The following PRRC1 variants were observed in gnomAD, a reference collection of about 807,000 sequenced individuals.
PRRC1 encodes proline rich coiled-coil 1, also known as protein PRRC1.
A neutral mutation model predicts 40.7 loss-of-function variants in PRRC1; 39 were observed. That is an observed-to-expected ratio of 0.96 (90% confidence interval 0.74 to 1.25). The LOEUF is 1.25. PRRC1 is among the 50% of genes most tolerant of loss of function. PRRC1 has a pLI of 0.00. For synonymous variants in PRRC1, 175 were observed against 193.3 expected (o/e 0.91, Z 0.79); for missense variants, 573 against 548.3 (o/e 1.05, Z -0.45).
In PRRC1 at chr5:127,554,677, TCTTTC is replaced by T. The variant is rs912396759; in HGVS notation, c.*2762_*2766del. 7 of 152,590 alleles carry T rather than the reference TCTTTC, an allele frequency of 4.6e-5. No individual in the cohort carries two copies. Among genetic ancestry groups the T allele is most frequent in the Non-Finnish European group, 2.9e-5 (2 of 68,038 alleles). The allele number at this position is 152,590 out of a possible 1,614,324, so 9.5% of individuals were successfully genotyped here. Reference sequence around the variant, plus strand: ...TTATTACTTTCCTATTCTTTATTCCTCTTTCTTCTGAAGATTAATGAAGTTGAAAA... The same window carrying T: ...TTATTACTTTCCTATTCTTTATTCCTTTCTGAAGATTAATGAAGTTGAAAA... On this transcript the variant is annotated 3_prime_UTR_variant, in exon 9 of 9. Transcript: ENST00000296666.
At chr5:127,524,952 C>T in intron 3 of PRRC1, 32 bp downstream of exon 3, 2 of 1,520,906 alleles carry the variant, frequency 1.3e-6, no homozygotes, top group Middle Eastern at 1.8e-4. Context: ...AAATACATGG[C>T]TATTAATTAA....
chr5:127,552,732 A>G lies in PRRC1; in HGVS notation c.*816A>G, dbSNP rs1768425889. ...CCAAGAATAAGCTCTGACAACAGCC[A>G]TTGTTTCTGCTTCCACTCATATTCT... On this transcript the variant is annotated 3_prime_UTR_variant, in exon 9 of 9. Transcript: ENST00000296666. 2.0e-6 allele frequency: 2 copies of G among 983,898 alleles called. No individual in the cohort carries two copies. Among genetic ancestry groups the G allele is most frequent in the African/African-American group, 1.7e-5 (1 of 57,182 alleles). 60.9% of individuals were successfully genotyped at this position (983,898 alleles called of 1,614,324 possible).
intron 6 of PRRC1, among the ~76,000 whole-genome samples, chr5:127,537,775 A>G (rs979216249): frequency 6.6e-6 from 1 of 151,664 alleles, no homozygotes; most frequent in Non-Finnish European, 1.5e-5. Context: ...TTAAAAATCA[A>G]ACTTTAGCCA....
chr5:127,541,415 T>C (rs906340189), intron 7 of PRRC1, among the ~76,000 whole-genome samples: 2 of 152,120 alleles, frequency 1.3e-5, no homozygotes, highest in African/African-American at 4.8e-5. Context: ...GATTCCCTCT[T>C]TTTCTATTGA....
At chr5:127,536,788 C>T (rs1414556413) in intron 6 of PRRC1, among the ~76,000 whole-genome samples, 1 of 151,944 alleles carries the variant, frequency 6.6e-6, no homozygotes, top group African/African-American at 2.4e-5. Flanking sequence ...TCATTTTCCA[C>T]AATTTTCAGT....
chr5:127,530,234 T>C (rs1259895793), intron 4 of PRRC1, 60 bp from the exon 5 acceptor site: 2 of 1,460,318 alleles, frequency 1.4e-6, no homozygotes, highest in African/African-American at 1.4e-5. Context: ...TTCACAATCA[T>C]GAAGATCATG....
intron 8 of PRRC1, 67 bp from the exon 9 acceptor site, chr5:127,551,640 A>T: frequency 6.8e-7 from 1 of 1,467,988 alleles, no homozygotes; most frequent in Middle Eastern, 1.8e-4. Context: ...TTGAAATGTC[A>T]CTTATAGCTA....
intron 2 of PRRC1, 65 bp from the exon 3 acceptor site, chr5:127,524,466 C>T (rs995314673): frequency 6.7e-7 from 1 of 1,484,670 alleles, no homozygotes; most frequent in Admixed American, 2.2e-5. Context: ...AGTAATTAGA[C>T]AGTTTGAAAA....
chr5:127,539,027 C>G lies in PRRC1; in HGVS notation c.922-13C>G. The stretch of plus-strand genomic sequence containing the variant: ...ATTTGAAATGGTCTCTAACCTCTGC[C>G]ATTGTTGTTTAGGGTGCTCAGGAAC... On this transcript the variant is annotated splice_polypyrimidine_tract_variant and intron_variant, in intron 6 of 8. Coordinates refer to ENST00000296666, the MANE Select transcript of PRRC1 (RefSeq NM_130809.5). The G allele has an allele frequency of 6.2e-7, 1 of 1,601,794 alleles. No individual in the cohort carries two copies. Among genetic ancestry groups the G allele is most frequent in the East Asian group, 2.2e-5 (1 of 44,782 alleles).
chr5:127,532,833 T>TA (rs1767809285), intron 5 of PRRC1, among the ~76,000 whole-genome samples: 1 of 152,210 alleles, frequency 6.6e-6, no homozygotes, highest in South Asian at 2.1e-4. Context: ...AAAATCTCTT[T>TA]TGCCGGTGAT....
intron 8 of PRRC1, 153 bp downstream of exon 8, chr5:127,548,074 C>G (rs1768274768): frequency 2.9e-6 from 2 of 697,134 alleles, no homozygotes; most frequent in South Asian, 1.6e-5. Context: ...TTTTTAATTT[C>G]CTGATCCTTC....
chr5:127,524,268 T>C (rs373595969), intron 2 of PRRC1, among the ~76,000 whole-genome samples: 1 of 152,224 alleles, frequency 6.6e-6, no homozygotes, highest in South Asian at 2.1e-4. Flanking sequence ...CTTTATTTTA[T>C]TAAAAATACA....
intron 3 of PRRC1, 33 bp from the exon 4 acceptor site, chr5:127,526,585 A>G: frequency 1.3e-6 from 2 of 1,566,772 alleles, no homozygotes; most frequent in Non-Finnish European, 1.7e-6. Flanking sequence ...TATGGAATAA[A>G]TTATACATAT....
chr5:127,550,587 A>G (rs2127120069), intron 8 of PRRC1: 1 of 152,328 alleles, frequency 6.6e-6, no homozygotes, highest in East Asian at 1.9e-4. Flanking sequence ...CATCATAAGC[A>G]GCACCTAGAA....
intron 1 of PRRC1, among the ~76,000 whole-genome samples, chr5:127,519,087 AG>A (rs1259498199): frequency 6.6e-6 from 1 of 152,206 alleles, no homozygotes; most frequent in Non-Finnish European, 1.5e-5. Context: ...TTTCTTTTGC[AG>A]ACACATTTGT....
rs867182315 is a variant in PRRC1 at position 127,553,318 on chromosome 5, A to G, written c.*1402A>G. On this transcript the variant is annotated 3_prime_UTR_variant, in exon 9 of 9. Transcript: ENST00000296666. The stretch of plus-strand genomic sequence containing the variant: ...TTTTACCTGAGGATAAGAAGAATGA[A>G]TATTAAATTTGAATATTAAATATAT... The G allele has an allele frequency of 5.1e-6, 5 of 984,756 alleles. No homozygotes were observed. Among genetic ancestry groups the G allele is most frequent in the Middle Eastern group, 5.2e-4 (1 of 1,936 alleles). The allele number at this position is 984,756 out of a possible 1,614,324, so 61.0% of individuals were successfully genotyped here. A position where few individuals can be genotyped will look rare whatever the true frequency, so the allele number is the denominator to read the frequency against.
At chr5:127,544,903 G>C (rs966004449) in intron 7 of PRRC1, among the ~76,000 whole-genome samples, 2 of 152,204 alleles carry the variant, frequency 1.3e-5, no homozygotes, top group Non-Finnish European at 2.9e-5. Context: ...TGGGCCCACT[G>C]TCTGGCACTC....
intron 8 of PRRC1, chr5:127,550,977 TAAAAAAG>T (rs1437384440): frequency 2.0e-5 from 3 of 152,058 alleles, no homozygotes; most frequent in Non-Finnish European, 2.9e-5. Flanking sequence ...TGGATATCGT[TAAAAAAG>T]AAAAAAGAAA....
rs1561679333 is a variant in PRRC1 at position 127,524,730 on chromosome 5, C to A, written c.303C>A (p.Ala101=). 7 of 1,614,124 alleles carry A rather than the reference C, an allele frequency of 4.3e-6. No individual in the cohort carries two copies. The highest frequency in any genetic ancestry group is 5.9e-6 in the Non-Finnish European group (7 of 1,180,000). Reference sequence around the variant, plus strand: ...CTGTTTCTCCATCAACTGCTGCTGCCTTCGGTAATCCTCCTGTATCTCACT... The same window carrying A: ...CTGTTTCTCCATCAACTGCTGCTGCATTCGGTAATCCTCCTGTATCTCACT... ...PPPVSPSTAA[A]FGNPPVSHFP... The change falls in exon 3 of 9, where the codon GCC becomes GCA. Residue 101 remains alanine (A), a synonymous_variant. Coordinates refer to ENST00000296666, the MANE Select transcript of PRRC1 (RefSeq NM_130809.5).
Sources: allele counts gnomAD v4.1 joint callset (sites outside exome capture counted in the v4.1 genomes callset), GRCh38; gene constraint gnomAD v4.1.1; transcripts MANE v1.5; gene names NCBI Gene and HGNC (gene_info 2026-07-23, HGNC 2026-07-21).